MYEF2: variants seen among roughly 807,000 people sequenced by gnomAD.
MYEF2 encodes the protein myelin gene expression factor 2.
In MYEF2, 37 loss-of-function variants were observed where a neutral mutation model predicts 75.2. The observed-to-expected ratio is 0.49, with a 90% CI of 0.38 to 0.65. MYEF2 has a LOEUF of 0.65. MYEF2 is among the 30% of genes least tolerant of loss of function. The probability of loss-of-function intolerance (pLI) is 0.00; values close to 1 mark genes in which losing one functional copy is unlikely to be tolerated. For synonymous variants in MYEF2, 195 were observed against 241.6 expected, an observed-to-expected ratio of 0.81 and a Z score of 1.79; for missense variants, 634 against 771.4, an observed-to-expected ratio of 0.82 and a Z score of 2.11.
At chr15:48,168,309 G>A (rs1205492206) in intron 2 of MYEF2, among the ~76,000 whole-genome samples, 2 of 151,646 alleles carry the variant, frequency 1.3e-5, no homozygotes, top group Admixed American at 6.6e-5. Flanking sequence ...CACGCTAAAT[G>A]TATTGCTTAA....
chr15:48,148,329 TG>T (rs1257606245), intron 16 of MYEF2, among the ~76,000 whole-genome samples: 1 of 152,090 alleles, frequency 6.6e-6, no homozygotes, highest in East Asian at 1.9e-4. Context: ...TTAAGATATT[TG>T]TAACAAAAGT....
chr15:48,175,236 G>T (rs531140095), intron 1 of MYEF2, among the ~76,000 whole-genome samples: 21 of 152,230 alleles, frequency 1.4e-4, no homozygotes, highest in Non-Finnish European at 2.9e-4. Context: ...AATGCTACAT[G>T]ATCTCACTTA....
At chr15:48,162,959 TC>T (rs1290314224) in intron 5 of MYEF2, 1 of 152,090 alleles carries the variant, frequency 6.6e-6, no homozygotes, top group African/African-American at 2.4e-5. Flanking sequence ...TTCTAAGTGT[TC>T]AAGTAAAAGA....
At chr15:48,167,280 G>T in intron 3 of MYEF2, 69 bp downstream of exon 3, 1 of 1,474,970 alleles carries the variant, frequency 6.8e-7, no homozygotes, top group Non-Finnish European at 9.4e-7. Context: ...ACTGGTACAA[G>T]TATTATACAA....
At chr15:48,153,698 G>T in intron 10 of MYEF2, 94 bp downstream of exon 10, 2 of 958,072 alleles carry the variant, frequency 2.1e-6, no homozygotes, top group Non-Finnish European at 3.2e-6. Flanking sequence ...ATTAATTAGA[G>T]TCCTTTAAAC....
At position 48,149,549 on chromosome 15, in the gene MYEF2, A is replaced by G. The variant is rs1186709661; in HGVS notation, c.1379-178T>C. 2 of 427,056 alleles carry G rather than the reference A, an allele frequency of 4.7e-6. No individual in the cohort carries two copies. The highest frequency in any genetic ancestry group is 4.1e-5 in the African/African-American group (2 of 49,286). The allele number at this position is 427,056 out of a possible 1,614,324, so 26.5% of individuals were successfully genotyped here. A position where few individuals can be genotyped will look rare whatever the true frequency, so the allele number is the denominator to read the frequency against. On this transcript the variant is annotated intron_variant, in intron 14 of 16. Coordinates refer to ENST00000324324, the MANE Select transcript of MYEF2 (RefSeq NM_016132.5). The surrounding 1 kb of genome is among the most constrained non-coding windows in gnomAD (Gnocchi z 4.0). ...TAAAAACATAAAATTATTTTCATAC[A>G]GATAACAACTTTCCAAAGAACAGAA...
rs1433814988 is a variant in MYEF2 at position 48,136,749 on chromosome 15, A to C, written c.*6159T>G. On this transcript the variant is annotated 3_prime_UTR_variant, in exon 17 of 17. Coordinates refer to ENST00000324324, the MANE Select transcript of MYEF2 (RefSeq NM_016132.5). ...TTTTGGTGCTGTGTTTTGACATTAA[A>C]ATTAACCAATATATTATAAAGAAAT... 6.2e-7 allele frequency: 1 copy of C among 1,613,430 alleles called. No homozygotes were observed. Among genetic ancestry groups the C allele is most frequent in the Non-Finnish European group, 8.5e-7 (1 of 1,179,746 alleles).
At chr15:48,159,831 C>A (rs759025955) in intron 5 of MYEF2, 27 bp from the exon 6 acceptor site, 8 of 1,578,822 alleles carry the variant, frequency 5.1e-6, no homozygotes, top group Non-Finnish European at 6.0e-6. Flanking sequence ...ATGTTAAATT[C>A]CACTAAATAC....
At chr15:48,165,085 C>T (rs2040087737) in intron 5 of MYEF2, among the ~76,000 whole-genome samples, 1 of 152,038 alleles carries the variant, frequency 6.6e-6, no homozygotes, top group African/African-American at 2.4e-5. Flanking sequence ...AGTGATAAAG[C>T]CAGGAATCAA....
At chr15:48,150,264 G>T (rs192442885) in intron 14 of MYEF2, among the ~76,000 whole-genome samples, 2 of 152,162 alleles carry the variant, frequency 1.3e-5, no homozygotes, top group East Asian at 3.9e-4. Flanking sequence ...GGAAGGTAAG[G>T]AAGTTAGGAC....
At chr15:48,166,329 T>C (rs565972628) in intron 3 of MYEF2, among the ~76,000 whole-genome samples, 220 of 152,054 alleles carry the variant, frequency 1.4e-3, no homozygotes, top group Middle Eastern at 3.4e-3. Flanking sequence ...CTATTAAAGA[T>C]AGTAGACTCT....
At chr15:48,146,976 G>C (rs1231584562) in intron 16 of MYEF2, among the ~76,000 whole-genome samples, 1 of 151,546 alleles carries the variant, frequency 6.6e-6, no homozygotes, top group Admixed American at 6.6e-5. Flanking sequence ...TGTAAATATG[G>C]TATTATCTTA....
chr15:48,143,638 C>T (rs913449705), intron 16 of MYEF2, among the ~76,000 whole-genome samples: 2 of 151,948 alleles, frequency 1.3e-5, no homozygotes, highest in African/African-American at 4.8e-5. Context: ...AGCTCAAAGT[C>T]TTAAGAATGG....
At position 48,140,812 on chromosome 15, in the gene MYEF2, T is replaced by C; in HGVS notation, c.*2096A>G. 1 of 316,426 alleles carries C rather than the reference T, an allele frequency of 3.2e-6. No individual in the cohort carries two copies. The highest frequency in any genetic ancestry group is 6.1e-6 in the Non-Finnish European group (1 of 164,956). The allele number at this position is 316,426 out of a possible 1,614,324, so 19.6% of individuals were successfully genotyped here. ...AATATTCAGCACAGCCCTGATGAGA[T>C]AATGGTGGACATAAACATCTTTTGT... is the stretch of plus-strand genomic sequence containing the variant. On this transcript the variant is annotated 3_prime_UTR_variant, in exon 17 of 17. Coordinates refer to ENST00000324324, the MANE Select transcript of MYEF2 (RefSeq NM_016132.5).
rs1250034771 is a variant in MYEF2 at position 48,141,059 on chromosome 15, A to G, written c.*1849T>C. 3 of 1,401,352 alleles carry G rather than the reference A, an allele frequency of 2.1e-6. No individual in the cohort carries two copies. The highest frequency in any genetic ancestry group is 4.6e-5 in the East Asian group (2 of 43,390). The allele number at this position is 1,401,352 out of a possible 1,614,324, so 86.8% of individuals were successfully genotyped here. A position where few individuals can be genotyped will look rare whatever the true frequency, so the allele number is the denominator to read the frequency against. On this transcript the variant is annotated 3_prime_UTR_variant, in exon 17 of 17. Transcript: ENST00000324324. ...AAGGAAATATCCAAAATAACTGCAAAGGATGGTTAGTGAATCTTTAAGATT... is the reference window on the plus strand; with the variant it reads ...AAGGAAATATCCAAAATAACTGCAAGGGATGGTTAGTGAATCTTTAAGATT...
chr15:48,142,247 T>C lies in MYEF2; in HGVS notation c.*661A>G, dbSNP rs774104310. 1.2e-6 allele frequency: 2 copies of C among 1,613,716 alleles called. No homozygotes were observed. Among genetic ancestry groups the C allele is most frequent in the South Asian group, 2.2e-5 (2 of 91,072 alleles). ...CAATGGCTGGAAACTAGACAGAAAGTTGGGAATAGTCTGCCTATTATCATA... is the reference window on the plus strand; with the variant it reads ...CAATGGCTGGAAACTAGACAGAAAGCTGGGAATAGTCTGCCTATTATCATA... On this transcript the variant is annotated 3_prime_UTR_variant, in exon 17 of 17. Transcript: ENST00000324324.
intron 13 of MYEF2, 133 bp from the exon 14 acceptor site, chr15:48,151,304 T>C: frequency 2.0e-6 from 2 of 1,020,168 alleles, no homozygotes; most frequent in Non-Finnish European, 3.0e-6. Flanking sequence ...TTCAAATATG[T>C]AAGATGTTGA....
rs1240912471 is a variant in MYEF2 at position 48,136,255 on chromosome 15, A to G, written c.*6653T>C. 6.6e-6 allele frequency: 1 copy of G among 152,612 alleles called. No homozygotes were observed. The highest frequency in any genetic ancestry group is 2.4e-5 in the African/African-American group (1 of 41,460). The allele number at this position is 152,612 out of a possible 1,614,324, so 9.5% of individuals were successfully genotyped here. ...ATACCAGAAAACTTGGACAGTTGAA[A>G]TAACTTAACAGTTACTATATTATTT... On this transcript the variant is annotated 3_prime_UTR_variant, in exon 17 of 17. Coordinates refer to ENST00000324324, the MANE Select transcript of MYEF2 (RefSeq NM_016132.5).
chr15:48,171,805 C>T (rs1187416833), intron 1 of MYEF2, among the ~76,000 whole-genome samples: 1 of 151,920 alleles, frequency 6.6e-6, no homozygotes, highest in Non-Finnish European at 1.5e-5. Flanking sequence ...GTACTACATC[C>T]AGAATTCCAA....
Sources: gnomAD v4.1 joint callset for allele counts (sites outside exome capture counted in the v4.1 genomes callset) on GRCh38, gnomAD v4.1.1 for gene constraint, Gnocchi (gnomAD v3.1) non-coding constraint, MANE v1.5 for transcripts, NCBI Gene and HGNC (gene_info 2026-07-23, HGNC 2026-07-21) for gene names.